YIPF4: variants seen among roughly 807,000 people sequenced by gnomAD.
YIPF4 encodes the protein protein YIPF4.
A neutral mutation model predicts 29.4 loss-of-function variants in YIPF4; 18 were observed. The ratio of observed to expected loss-of-function variants is 0.61; its 90% confidence interval spans 0.42 to 0.91. The LOEUF (loss-of-function observed/expected upper bound fraction) is 0.91, where lower values mean the gene tolerates loss of function less well. Among genes scored for constraint, YIPF4 ranks in the 40% least tolerant of loss-of-function variants. YIPF4 has a pLI of 0.00. For synonymous variants in YIPF4, 115 were observed against 104.7 expected (o/e 1.10, Z -0.60); for missense variants, 279 against 282.7 (o/e 0.99, Z 0.09).
intron 1 of YIPF4, among the ~76,000 whole-genome samples, chr2:32,286,403 G>GT: frequency 6.6e-6 from 1 of 151,918 alleles, no homozygotes; most frequent in Non-Finnish European, 1.5e-5. Flanking sequence ...TCATCTTTTT[G>GT]TTTATCAGAT....
In YIPF4 at chr2:32,301,493, A is replaced by C; in HGVS notation, c.595A>C (p.Lys199Gln). 1 of 1,591,594 alleles carries C rather than the reference A, an allele frequency of 6.3e-7. No individual in the cohort carries two copies. Among genetic ancestry groups the C allele is most frequent in the Non-Finnish European group, 8.6e-7 (1 of 1,160,266 alleles). The change falls in exon 5 of 6, where the codon AAA becomes CAA. Residue 199 changes from lysine to glutamine, a missense_variant and splice_region_variant. Physicochemically the swap from Lys to Gln is moderately conservative, Grantham distance 53. Coordinates refer to ENST00000238831, the MANE Select transcript of YIPF4 (RefSeq NM_032312.4). ...GSFEVVSTLIKLFGVFWAAYS... is the reference protein window; with the variant it reads ...GSFEVVSTLIQLFGVFWAAYS... ...ATTTGAAGTGGTGTCTACACTTATA[A>C]AAGTAAGTTAAGGATTATGTATTAC...
chr2:32,300,962 C>T (rs2031383839), intron 4 of YIPF4, among the ~76,000 whole-genome samples: 1 of 152,194 alleles, frequency 6.6e-6, no homozygotes, highest in Admixed American at 6.5e-5. Flanking sequence ...TCCTGGCTAC[C>T]TTCCCTTTCC....
At chr2:32,294,190 C>T (rs1187591418) in intron 3 of YIPF4, among the ~76,000 whole-genome samples, 3 of 152,052 alleles carry the variant, frequency 2.0e-5, no homozygotes, top group South Asian at 2.1e-4. Context: ...CCCTCCCGGA[C>T]GGGGTGGCTG....
intron 3 of YIPF4, among the ~76,000 whole-genome samples, chr2:32,293,217 C>T (rs985966130): frequency 6.6e-6 from 1 of 152,070 alleles, no homozygotes; most frequent in Non-Finnish European, 1.5e-5. Flanking sequence ...CTCTGGTTTT[C>T]CTAGGCAGAG....
chr2:32,301,285 T>A (rs2031394052), intron 4 of YIPF4, 97 bp from the exon 5 acceptor site: 1 of 731,984 alleles, frequency 1.4e-6, no homozygotes, highest in African/African-American at 1.8e-5. Flanking sequence ...ATGCTCACAT[T>A]TATTTGAATA....
chr2:32,289,470 C>CT (rs547312971), intron 1 of YIPF4, among the ~76,000 whole-genome samples: 3 of 152,210 alleles, frequency 2.0e-5, no homozygotes, highest in Non-Finnish European at 4.4e-5. Flanking sequence ...AGAGAGGTAT[C>CT]TATCTGTGTT....
Position 32,278,146 on chromosome 2 carries a change from T to C in YIPF4, c.-10T>C, listed in dbSNP as rs750706985. 3.2e-6 allele frequency: 5 copies of C among 1,549,630 alleles called. No individual in the cohort carries two copies. In the Admixed American group the frequency reaches 5.8e-5, roughly 18 times the overall value. Reference sequence around the variant, plus strand: ...CTCTTCTACCGCGGCCGGTTGGGAGTCGCCGCGAGATGCAGCCTCCGGGCC... The same window carrying C: ...CTCTTCTACCGCGGCCGGTTGGGAGCCGCCGCGAGATGCAGCCTCCGGGCC... On this transcript the variant is annotated 5_prime_UTR_variant, in exon 1 of 6. Transcript: ENST00000238831.
chr2:32,297,111 A>C (rs960462306), intron 3 of YIPF4, among the ~76,000 whole-genome samples: 1 of 150,990 alleles, frequency 6.6e-6, no homozygotes, highest in African/African-American at 2.4e-5. Context: ...CCAGCCTTGG[A>C]ATCAACCGTT....
intron 1 of YIPF4, among the ~76,000 whole-genome samples, chr2:32,283,589 T>C (rs755671015): frequency 2.6e-5 from 4 of 152,198 alleles, no homozygotes; most frequent in Admixed American, 6.5e-5. Flanking sequence ...AAAACTTGCT[T>C]TAACTGTCCC....
rs923766863 is a variant in YIPF4 at position 32,314,939 on chromosome 2, A to G, written c.*9313A>G. On this transcript the variant is annotated 3_prime_UTR_variant, in exon 6 of 6. Coordinates refer to ENST00000238831, the MANE Select transcript of YIPF4 (RefSeq NM_032312.4). ...ATTAAATAAGTGGGGATACTGTATC[A>G]GATAGGAACATATTTGGTTGCAAGA... 2 of 152,214 alleles carry G rather than the reference A, an allele frequency of 1.3e-5. No homozygotes were observed. The highest frequency in any genetic ancestry group is 2.9e-5 in the Non-Finnish European group (2 of 68,050). 9.4% of individuals were successfully genotyped at this position (152,214 alleles called of 1,614,324 possible).
intron 4 of YIPF4, 140 bp downstream of exon 4, chr2:32,298,451 T>C: frequency 3.3e-6 from 2 of 601,066 alleles, no homozygotes; most frequent in East Asian, 5.7e-5. Flanking sequence ...ATGATCAACA[T>C]ATTAGTATTG....
rs1558482747 is a variant in YIPF4 at position 32,305,485 on chromosome 2, A to AAT, written c.598-3_598-2insTA. 1 of 1,535,326 alleles carries AAT rather than the reference A, an allele frequency of 6.5e-7. No homozygotes were observed. Among genetic ancestry groups the AAT allele is most frequent in the East Asian group, 2.3e-5 (1 of 42,906 alleles). On this transcript the variant is annotated splice_polypyrimidine_tract_variant and splice_region_variant and intron_variant, in intron 5 of 5. Transcript: ENST00000238831. ...GCCTTTTGTCTTTTTTCCTTTTTTT[A>AAT]AAGCTGTTTGGTGTGTTTTGGGCTG...
In YIPF4 at chr2:32,309,881, G is replaced by C. The variant is rs2031682916; in HGVS notation, c.*4255G>C. On this transcript the variant is annotated 3_prime_UTR_variant, in exon 6 of 6. Transcript: ENST00000238831. ...TTTTTTAAATTTTTAATGGAGACAG[G>C]GTTTCACCATGTTGGCCAGGCTGGT... 2 of 151,854 alleles carry C rather than the reference G, an allele frequency of 1.3e-5. No homozygotes were observed. Among genetic ancestry groups the C allele is most frequent in the African/African-American group, 4.8e-5 (2 of 41,348 alleles). 9.4% of individuals were successfully genotyped at this position (151,854 alleles called of 1,614,324 possible).
At chr2:32,279,171 G>A (rs370064639) in intron 1 of YIPF4, among the ~76,000 whole-genome samples, 4 of 151,738 alleles carry the variant, frequency 2.6e-5, no homozygotes, top group Admixed American at 2.6e-4. Flanking sequence ...AGGTTTCACC[G>A]TGTTAGCCAT....
In YIPF4 at chr2:32,312,797, C is replaced by G. The variant is rs1430937043; in HGVS notation, c.*7171C>G. ...CACGAGGTCAGGGGATCGAGACCATCCTGGCTAACACGGTGAAACCCCGTC... is the reference window on the plus strand; with the variant it reads ...CACGAGGTCAGGGGATCGAGACCATGCTGGCTAACACGGTGAAACCCCGTC... On this transcript the variant is annotated 3_prime_UTR_variant, in exon 6 of 6. Coordinates refer to ENST00000238831, the MANE Select transcript of YIPF4 (RefSeq NM_032312.4). 3 of 152,154 alleles carry G rather than the reference C, an allele frequency of 2.0e-5. No homozygotes were observed. Among genetic ancestry groups the G allele is most frequent in the Non-Finnish European group, 4.4e-5 (3 of 68,130 alleles). 9.4% of individuals were successfully genotyped at this position (152,154 alleles called of 1,614,324 possible).
intron 4 of YIPF4, among the ~76,000 whole-genome samples, chr2:32,298,823 G>C (rs994327519): frequency 6.6e-6 from 1 of 151,986 alleles, no homozygotes; most frequent in East Asian, 1.9e-4. Flanking sequence ...CTCCCAAAGT[G>C]CTGGGATTAC....
intron 1 of YIPF4, among the ~76,000 whole-genome samples, chr2:32,279,910 T>TC (rs942877794): frequency 6.7e-6 from 1 of 150,096 alleles, no homozygotes; most frequent in African/African-American, 2.4e-5. Context: ...CTTTTTTTTT[T>TC]TTTTTGAGGT....
Position 32,305,951 on chromosome 2 carries a change from C to T in YIPF4, c.*325C>T. 1.0e-6 allele frequency: 1 copy of T among 997,566 alleles called. No homozygotes were observed. Among genetic ancestry groups the T allele is most frequent in the Non-Finnish European group, 1.2e-6 (1 of 838,062 alleles). The allele number at this position is 997,566 out of a possible 1,614,324, so 61.8% of individuals were successfully genotyped here. A position where few individuals can be genotyped will look rare whatever the true frequency, so the allele number is the denominator to read the frequency against. ...AGCACCTGGATTGGTAATTATATTT[C>T]ACTTAAAGGGTAAATTTGACAATAT... On this transcript the variant is annotated 3_prime_UTR_variant, in exon 6 of 6. Coordinates refer to ENST00000238831, the MANE Select transcript of YIPF4 (RefSeq NM_032312.4).
At chr2:32,296,219 G>A (rs1242320779) in intron 3 of YIPF4, among the ~76,000 whole-genome samples, 1 of 152,042 alleles carries the variant, frequency 6.6e-6, no homozygotes, top group Non-Finnish European at 1.5e-5. Context: ...TGGGCGCAGT[G>A]GCTCATGCCT....
Sources: allele counts gnomAD v4.1 joint callset (sites outside exome capture counted in the v4.1 genomes callset), GRCh38; gene constraint gnomAD v4.1.1; transcripts MANE v1.5; gene names NCBI Gene and HGNC (gene_info 2026-07-23, HGNC 2026-07-21).